CASP10: variants seen among roughly 807,000 people sequenced by gnomAD.
CASP10 encodes caspase 10.
A neutral mutation model predicts 48.5 loss-of-function variants in CASP10; 41 were observed. The ratio of observed to expected loss-of-function variants is 0.85; its 90% CI spans 0.66 to 1.10. CASP10 has a LOEUF of 1.10. Among genes scored for constraint, CASP10 ranks in the 50% least tolerant of loss-of-function variants. The pLI is 0.00. For synonymous variants in CASP10, 232 were observed against 238.4 expected (o/e 0.97, Z 0.25); for missense variants, 614 against 614.5 (o/e 1.00, Z 0.01).
chr2:201,198,600 G>C (rs1944894488), intron 5 of CASP10, among the ~76,000 whole-genome samples: 1 of 140,488 alleles, frequency 7.1e-6, no homozygotes, highest in Non-Finnish European at 1.5e-5. Context: ...GAGTGCAGTG[G>C]CTCAATCTCA....
At chr2:201,196,930 C>A (rs1474015113) in intron 5 of CASP10, among the ~76,000 whole-genome samples, 1 of 152,048 alleles carries the variant, frequency 6.6e-6, no homozygotes, top group Non-Finnish European at 1.5e-5. Flanking sequence ...TAGAACCATA[C>A]AATATTTGTT....
intron 9 of CASP10, among the ~76,000 whole-genome samples, chr2:201,227,733 G>T (rs368117525): frequency 4.8e-5 from 7 of 145,240 alleles, no homozygotes; most frequent in Admixed American, 2.7e-4. Context: ...TTTTTTTTTT[G>T]TATTTTTAGT....
chr2:201,190,932 G>C (rs751728183), intron 3 of CASP10, among the ~76,000 whole-genome samples: 1 of 151,852 alleles, frequency 6.6e-6, no homozygotes, highest in Non-Finnish European at 1.5e-5. Context: ...TGCCATCTCG[G>C]CTCACTGCAA....
chr2:201,187,755 G>A lies in CASP10; in HGVS notation c.397G>A (p.Asp133Asn). Residue 133 changes from aspartate (D) to asparagine (N), a missense_variant, in exon 3 of 10, where the codon GAC becomes AAC. Asp to Asn is a conservative substitution (Grantham distance 23). Coordinates refer to ENST00000286186, the MANE Select transcript of CASP10 (RefSeq NM_032977.4). ...AGGCATTGACTCAGAGAACTTAAAG[G>A]ACATGATCTTCCTTCTGAAAGACTC... Reference protein sequence around the residue: ...SEGIDSENLKDMIFLLKDSLP... With the variant: ...SEGIDSENLKNMIFLLKDSLP... The A allele has an allele frequency of 6.2e-7, 1 of 1,614,072 alleles. No homozygotes were observed.
intron 9 of CASP10, among the ~76,000 whole-genome samples, chr2:201,217,263 C>A (rs1376182516): frequency 6.6e-6 from 1 of 152,090 alleles, no homozygotes; most frequent in Non-Finnish European, 1.5e-5. Flanking sequence ...TACCTCCTGA[C>A]TGAAAAAAGT....
intron 9 of CASP10, among the ~76,000 whole-genome samples, chr2:201,226,699 AAATG>A (rs1379076243): frequency 6.6e-6 from 1 of 152,106 alleles, no homozygotes; most frequent in Non-Finnish European, 1.5e-5. Context: ...ACAAAAAAAA[AAATG>A]AAAAGAAGCA....
At chr2:201,211,882 T>C (rs1279334980) in intron 9 of CASP10, among the ~76,000 whole-genome samples, 3 of 152,150 alleles carry the variant, frequency 2.0e-5, no homozygotes, top group Admixed American at 6.5e-5. Context: ...CCAATATGTG[T>C]TTTCTTTTGT....
intron 3 of CASP10, 79 bp downstream of exon 3, chr2:201,187,878 G>A (rs1944470305): frequency 2.8e-6 from 3 of 1,079,738 alleles, no homozygotes; most frequent in Non-Finnish European, 4.3e-6. Context: ...AGGGTTTTTA[G>A]GGAGATTTAT....
At chr2:201,204,351 AT>A (rs41465050) in intron 6 of CASP10, among the ~76,000 whole-genome samples, 2,017 of 151,266 alleles carry the variant, frequency 0.013, 48 homozygotes, top group African/African-American at 0.047. Context: ...ACCATTCCTC[AT>A]TTTTTTTTCT....
chr2:201,186,072 A>G lies in CASP10; in HGVS notation c.295A>G (p.Lys99Glu), dbSNP rs531649047. The change falls in exon 2 of 10, where the codon AAA becomes GAA. Residue 99 changes from lysine to glutamate, a missense_variant. Transcript: ENST00000286186. The part of the protein sequence containing the change: ...KKLLQHLNCT[K>E]EEVERLLPTR... ...GCTGCTGCAGCACCTCAACTGTACC[A>G]AAGAGGAAGTGGAGCGACTGCTGCC... 2.4e-4 allele frequency: 382 copies of G among 1,612,582 alleles called. 4 individuals carry two copies. In the South Asian group the frequency reaches 3.8e-3, roughly 16 times the overall value.
At chr2:201,227,717 C>T (rs1409035412) in intron 9 of CASP10, among the ~76,000 whole-genome samples, 2 of 150,446 alleles carry the variant, frequency 1.3e-5, no homozygotes, top group African/African-American at 2.5e-5. Context: ...CCACCATGCC[C>T]GGCTGTTTTT....
intron 5 of CASP10, among the ~76,000 whole-genome samples, chr2:201,201,496 G>A (rs1423958295): frequency 6.6e-6 from 1 of 151,164 alleles, no homozygotes; most frequent in African/African-American, 2.4e-5. Flanking sequence ...ACACACACAC[G>A]ATTCTGCTCG....
At chr2:201,187,605 G>T in intron 2 of CASP10, 101 bp from the exon 3 acceptor site, 1 of 880,944 alleles carries the variant, frequency 1.1e-6, no homozygotes, top group South Asian at 1.3e-5. Flanking sequence ...ACATAGAGTT[G>T]ATCATTCAAA....
intron 9 of CASP10, among the ~76,000 whole-genome samples, chr2:201,215,974 A>C (rs1047620132): frequency 6.6e-6 from 1 of 151,970 alleles, no homozygotes; most frequent in Non-Finnish European, 1.5e-5. Flanking sequence ...TAGGGACTGC[A>C]TTAAATCTGT....
chr2:201,216,356 G>A (rs950220285), intron 9 of CASP10, among the ~76,000 whole-genome samples: 4 of 151,914 alleles, frequency 2.6e-5, no homozygotes, highest in South Asian at 2.1e-4. Flanking sequence ...GCAACAGAGC[G>A]AGATCCTGTC....
intron 5 of CASP10, among the ~76,000 whole-genome samples, chr2:201,198,251 T>C (rs1360501270): frequency 3.4e-5 from 5 of 148,392 alleles, no homozygotes; most frequent in African/African-American, 1.2e-4. Flanking sequence ...TGAGACGGAG[T>C]CTCACTCTGT....
chr2:201,212,051 C>CA (rs1427326521), intron 9 of CASP10, among the ~76,000 whole-genome samples: 6 of 152,134 alleles, frequency 3.9e-5, no homozygotes, highest in African/African-American at 1.4e-4. Context: ...TAGGTTCAAG[C>CA]AATTCTTCTG....
chr2:201,196,394 C>G (rs1160442873), intron 5 of CASP10, among the ~76,000 whole-genome samples: 1 of 152,154 alleles, frequency 6.6e-6, no homozygotes, highest in African/African-American at 2.4e-5. Flanking sequence ...ATGTATTGAA[C>G]AAGAGGTTTG....
chr2:201,193,123 A>T lies in CASP10; in HGVS notation c.577+4A>T. 6.2e-7 allele frequency: 1 copy of T among 1,613,220 alleles called. No homozygotes were observed. The highest frequency in any genetic ancestry group is 8.5e-7 in the Non-Finnish European group (1 of 1,179,412). ...GAGAAATACAAAAGAGAGAAAGGTAAGTAGCTTGTGATTGCTAACTTGGAC... is the reference window on the plus strand; with the variant it reads ...GAGAAATACAAAAGAGAGAAAGGTATGTAGCTTGTGATTGCTAACTTGGAC... On this transcript the variant is annotated splice_donor_region_variant and intron_variant, in intron 4 of 9. Coordinates refer to ENST00000286186, the MANE Select transcript of CASP10 (RefSeq NM_032977.4).
Sources: gnomAD v4.1 joint callset for allele counts (sites outside exome capture counted in the v4.1 genomes callset) on GRCh38, gnomAD v4.1.1 for gene constraint, MANE v1.5 for transcripts, NCBI Gene and HGNC (gene_info 2026-07-23, HGNC 2026-07-21) for gene names.